Variants in MBOAT2 observed in about 807,000 individuals in gnomAD.
MBOAT2 encodes membrane-bound glycerophospholipid O-acyltransferase 2.
In MBOAT2, 28 loss-of-function variants were observed where a neutral mutation model predicts 63.4. The ratio of observed to expected loss-of-function variants is 0.44; its 90% CI spans 0.33 to 0.61. MBOAT2 has a LOEUF of 0.61. Ranked by LOEUF, MBOAT2 falls within the 20% of genes least tolerant of loss-of-function variation. The pLI, the probability that MBOAT2 is intolerant of heterozygous loss-of-function variation, is 0.03. For missense variants in MBOAT2, 470 were observed against 605.8 expected, an observed-to-expected ratio of 0.78 and a Z score of 2.35; for synonymous variants, 211 against 215.6, an observed-to-expected ratio of 0.98 and a Z score of 0.19.
intron 2 of MBOAT2, among the ~76,000 whole-genome samples, chr2:8,950,934 AACC>A (rs1668781633): frequency 6.6e-6 from 1 of 152,094 alleles, no homozygotes; most frequent in African/African-American, 2.4e-5. Flanking sequence ...TTATGTGGTG[AACC>A]ATTGATTTGT....
chr2:8,929,525 G>A (rs1667171356), intron 3 of MBOAT2, among the ~76,000 whole-genome samples: 1 of 152,162 alleles, frequency 6.6e-6, no homozygotes. Context: ...CTAATCTTTT[G>A]TATTTTTTGT....
chr2:8,998,679 C>T (rs1349645425), intron 1 of MBOAT2, among the ~76,000 whole-genome samples: 3 of 152,046 alleles, frequency 2.0e-5, no homozygotes, highest in South Asian at 4.2e-4. Context: ...ACAAGGATCT[C>T]GTAAGCCCAC....
Position 8,856,160 on chromosome 2 carries a change from T to C in MBOAT2, c.*2519A>G, listed in dbSNP as rs546408537. The C allele has an allele frequency of 1.2e-4, 18 of 152,212 alleles. No homozygotes were observed. The highest frequency in any genetic ancestry group is 4.1e-4 in the African/African-American group (17 of 41,536). 9.4% of individuals were successfully genotyped at this position (152,212 alleles called of 1,614,324 possible). A position where few individuals can be genotyped will look rare whatever the true frequency, so the allele number is the denominator to read the frequency against. Reference sequence around the variant, plus strand: ...ATCTTCGAAGGAACCAGAAAACCAATCAAATATCTTGCTTTCTAGATGACA... The same window carrying C: ...ATCTTCGAAGGAACCAGAAAACCAACCAAATATCTTGCTTTCTAGATGACA... On this transcript the variant is annotated 3_prime_UTR_variant, in exon 13 of 13. Coordinates refer to ENST00000305997, the MANE Select transcript of MBOAT2 (RefSeq NM_138799.4). The surrounding 1 kb of genome is among the most constrained non-coding windows in gnomAD (Gnocchi z 4.2).
rs1436104448 is a variant in MBOAT2 at position 8,928,125 on chromosome 2, C to T, written c.299+15062G>A. Among the ~76,000 whole-genome samples the T allele has an allele frequency of 4.6e-5, 7 of 152,072 alleles. No homozygotes were observed. The East Asian group carries it at 5.8e-4, about 13-fold the overall frequency. The stretch of plus-strand genomic sequence containing the variant: ...TGTGAGAACAGTATCAAAGGGACGG[C>T]GCTAAACCATTCATGAGAACCTGCC... On this transcript the variant is annotated intron_variant, in intron 3 of 12. Transcript: ENST00000305997.
intron 1 of MBOAT2, among the ~76,000 whole-genome samples, chr2:8,988,926 G>A (rs1671745885): frequency 6.6e-6 from 1 of 152,164 alleles, no homozygotes; most frequent in Non-Finnish European, 1.5e-5. Context: ...GAAAACTGGA[G>A]TATCTAAAAC....
intron 3 of MBOAT2, among the ~76,000 whole-genome samples, chr2:8,911,382 T>C (rs1307480142): frequency 1.3e-5 from 2 of 152,194 alleles, no homozygotes; most frequent in Non-Finnish European, 2.9e-5. Context: ...GCCAGAGGAC[T>C]GGCTGTTTTT....
At chr2:8,913,762 G>C (rs1665952642) in intron 3 of MBOAT2, among the ~76,000 whole-genome samples, 1 of 152,224 alleles carries the variant, frequency 6.6e-6, no homozygotes, top group African/African-American at 2.4e-5. Flanking sequence ...AAGCAGTGTG[G>C]AGATTCCTTA....
At chr2:8,951,649 T>C (rs995082286) in intron 2 of MBOAT2, among the ~76,000 whole-genome samples, 1 of 152,234 alleles carries the variant, frequency 6.6e-6, no homozygotes, top group African/African-American at 2.4e-5. Context: ...TCTTCCTGAT[T>C]CAATCTTAAG....
chr2:8,879,703 C>T (rs1013799194), intron 6 of MBOAT2, among the ~76,000 whole-genome samples: 3 of 152,118 alleles, frequency 2.0e-5, no homozygotes, highest in Non-Finnish European at 2.9e-5. Flanking sequence ...GCAGTAACAA[C>T]CAAAAGTGTC....
At chr2:8,868,694 C>T in intron 8 of MBOAT2, 145 bp from the exon 9 acceptor site, 1 of 658,654 alleles carries the variant, frequency 1.5e-6, no homozygotes, top group East Asian at 2.9e-5. Context: ...AACAACATCG[C>T]ATACAATGAA....
intron 5 of MBOAT2, among the ~76,000 whole-genome samples, chr2:8,885,535 C>T (rs1399329140): frequency 2.0e-5 from 3 of 152,050 alleles, no homozygotes; most frequent in Non-Finnish European, 2.9e-5. Flanking sequence ...TTCAAGTATT[C>T]CTATTGTGAG....
At chr2:8,997,034 C>T (rs1031839239) in intron 1 of MBOAT2, among the ~76,000 whole-genome samples, 23 of 152,144 alleles carry the variant, frequency 1.5e-4, no homozygotes, top group African/African-American at 5.6e-4. Flanking sequence ...AGTGCCTGTT[C>T]CGATCTCCTG....
At chr2:8,932,893 T>A (rs1211682561) in intron 3 of MBOAT2, among the ~76,000 whole-genome samples, 1 of 152,172 alleles carries the variant, frequency 6.6e-6, no homozygotes, top group Non-Finnish European at 1.5e-5. Flanking sequence ...ACATGTCAAG[T>A]CTATACACTC....
chr2:8,883,969 T>C (rs1053263628), intron 5 of MBOAT2, among the ~76,000 whole-genome samples: 5 of 150,724 alleles, frequency 3.3e-5, no homozygotes, highest in Admixed American at 6.6e-5. Context: ...ACGCTTGTAA[T>C]CCCAGTACTT....
chr2:8,977,014 T>A (rs1416086399), intron 1 of MBOAT2, among the ~76,000 whole-genome samples: 1 of 152,006 alleles, frequency 6.6e-6, no homozygotes, highest in Non-Finnish European at 1.5e-5. Flanking sequence ...AAAAAGCTTA[T>A]CAGTGGTTGC....
chr2:8,914,583 A>G (rs1666016348), intron 3 of MBOAT2, among the ~76,000 whole-genome samples: 1 of 152,074 alleles, frequency 6.6e-6, no homozygotes, highest in East Asian at 1.9e-4. Flanking sequence ...TTATTTGTCA[A>G]TTGTGCACTA....
At chr2:8,995,411 T>G (rs536672028) in intron 1 of MBOAT2, among the ~76,000 whole-genome samples, 2 of 152,324 alleles carry the variant, frequency 1.3e-5, no homozygotes, top group East Asian at 3.9e-4. Flanking sequence ...AAGGGAGATG[T>G]GTACACCATC....
chr2:8,984,777 T>A (rs1015433098), intron 1 of MBOAT2, among the ~76,000 whole-genome samples: 2 of 152,188 alleles, frequency 1.3e-5, no homozygotes, highest in Admixed American at 6.6e-5. Flanking sequence ...ATAAGTGGTA[T>A]TGGCCAAATT....
chr2:8,872,916 T>C (rs187962346), intron 8 of MBOAT2, among the ~76,000 whole-genome samples, 192 bp downstream of exon 8: 3 of 152,380 alleles, frequency 2.0e-5, no homozygotes, highest in Admixed American at 2.0e-4. Context: ...TTATTTTGTA[T>C]TATAATAAAA....
Sources: allele counts gnomAD v4.1 joint callset (sites outside exome capture counted in the v4.1 genomes callset), GRCh38; gene constraint gnomAD v4.1.1; non-coding constraint Gnocchi (gnomAD v3.1); transcripts MANE v1.5; gene names NCBI Gene and HGNC (gene_info 2026-07-23, HGNC 2026-07-21).